Variants in SLC12A7 observed in about 807,000 individuals in gnomAD.
The protein encoded by SLC12A7 is K-Cl cotransporter 4.
SLC12A7 carries 100 observed loss-of-function variants against 120.6 expected under a neutral mutation model. That is an observed-to-expected ratio of 0.83 (90% CI 0.71 to 0.98). The LOEUF (loss-of-function observed/expected upper bound fraction) is 0.98, where lower values mean the gene tolerates loss of function less well. Among genes scored for constraint, SLC12A7 ranks in the 50% least tolerant of loss-of-function variants. The pLI is 0.00. For synonymous variants in SLC12A7, 760 were observed against 678.0 expected, an observed-to-expected ratio of 1.12 and a Z score of -1.88; for missense variants, 1,373 against 1,548.1, an observed-to-expected ratio of 0.89 and a Z score of 1.90.
chr5:1,107,033 C>A (rs181006363), intron 1 of SLC12A7, among the ~76,000 whole-genome samples: 2 of 152,284 alleles, frequency 1.3e-5, no homozygotes, highest in African/African-American at 4.8e-5. Flanking sequence ...AGTCACTAAG[C>A]GTGAGCCGTG....
Position 1,081,608 on chromosome 5 carries a change from C to G in SLC12A7, c.1266G>C (p.Leu422=), listed in dbSNP as rs529485558. 1 of 1,607,266 alleles carries G rather than the reference C, an allele frequency of 6.2e-7. No homozygotes were observed. Among genetic ancestry groups the G allele is most frequent in the African/African-American group, 1.3e-5 (1 of 74,990 alleles). Residue 422 remains leucine (L), a synonymous_variant, in exon 9 of 24, where the codon CTG becomes CTC. Transcript: ENST00000264930. ...VLTDIAASFT[L]LVGIYFPSVT... ...CGGAAGGGAAGTAGATGCCAACCAG[C>G]AGGGTGAAGGAGGCCGCGATGTCGG... is the stretch of plus-strand genomic sequence containing the variant.
chr5:1,091,722 G>A (rs375928894), intron 3 of SLC12A7, among the ~76,000 whole-genome samples: 13 of 151,422 alleles, frequency 8.6e-5, no homozygotes, highest in Admixed American at 3.3e-4. Context: ...CCAATTCCGC[G>A]GCGTCCACGT....
chr5:1,088,005 T>A (rs1460833099), intron 5 of SLC12A7, among the ~76,000 whole-genome samples: 3 of 152,234 alleles, frequency 2.0e-5, no homozygotes, highest in African/African-American at 7.2e-5. Context: ...TGGCACACGC[T>A]GGGCTACAGG....
In SLC12A7 at chr5:1,081,612, G is replaced by C. The variant is rs1416217113; in HGVS notation, c.1262C>G (p.Thr421Ser). ...AGGGAAGTAGATGCCAACCAGCAGG[G>C]TGAAGGAGGCCGCGATGTCGGTGAG... ...YVLTDIAASF[T>S]LLVGIYFPSV... is the part of the protein sequence containing the mutation. Residue 421 changes from threonine to serine, a missense_variant, in exon 9 of 24, where the codon ACC becomes AGC. Thr to Ser is a moderately conservative substitution (Grantham distance 58, BLOSUM62 1). Coordinates refer to ENST00000264930, the MANE Select transcript of SLC12A7 (RefSeq NM_006598.3). 2 of 1,610,528 alleles carry C rather than the reference G, an allele frequency of 1.2e-6. No homozygotes were observed. Among genetic ancestry groups the C allele is most frequent in the South Asian group, 2.2e-5 (2 of 91,024 alleles).
At chr5:1,106,003 C>T (rs564782630) in intron 1 of SLC12A7, among the ~76,000 whole-genome samples, 5 of 152,346 alleles carry the variant, frequency 3.3e-5, no homozygotes, top group South Asian at 2.1e-4. Context: ...ACCCACCACA[C>T]GGCCGTCACA....
At chr5:1,108,969 A>G (rs1742780458) in intron 1 of SLC12A7, among the ~76,000 whole-genome samples, 1 of 152,182 alleles carries the variant, frequency 6.6e-6, no homozygotes. Flanking sequence ...TCAGAAACGG[A>G]ACCCAAAGAG....
intron 21 of SLC12A7, among the ~76,000 whole-genome samples, chr5:1,059,758 CG>C (rs1235121465): frequency 1.9e-5 from 2 of 107,622 alleles, no homozygotes; most frequent in Admixed American, 1.3e-4. Context: ...AGGTCTGTGT[CG>C]GGGGGTGGGG....
At chr5:1,102,044 C>G (rs2150900998) in intron 1 of SLC12A7, among the ~76,000 whole-genome samples, 1 of 152,374 alleles carries the variant, frequency 6.6e-6, no homozygotes, top group East Asian at 1.9e-4. Flanking sequence ...AAAGTGAATG[C>G]AGACCCTGTG....
At chr5:1,092,349 C>G (rs879423435) in intron 3 of SLC12A7, among the ~76,000 whole-genome samples, 2 of 152,194 alleles carry the variant, frequency 1.3e-5, no homozygotes, top group Non-Finnish European at 2.9e-5. Context: ...CAGGGGAGGG[C>G]AAGGAGCCGG....
chr5:1,119,831 C>T, the SLC12A7 span, among the ~76,000 whole-genome samples: 11 of 152,240 alleles, frequency 7.2e-5, no homozygotes, highest in Admixed American at 2.0e-4. Flanking sequence ...GGCTGGGGGG[C>T]GGTGCCCAGC....
At chr5:1,142,800 C>A in the SLC12A7 span, among the ~76,000 whole-genome samples, 2 of 151,442 alleles carry the variant, frequency 1.3e-5, no homozygotes, top group South Asian at 2.1e-4. Context: ...GCTGCCCCCC[C>A]CATACACACC....
chr5:1,079,146 C>A (rs188330668), intron 10 of SLC12A7, among the ~76,000 whole-genome samples: 2 of 152,192 alleles, frequency 1.3e-5, no homozygotes, highest in Non-Finnish European at 2.9e-5. Flanking sequence ...CACACCGCTG[C>A]GCATCACTGT....
chr5:1,068,672 C>G (rs1326436436), intron 17 of SLC12A7, among the ~76,000 whole-genome samples: 1 of 152,060 alleles, frequency 6.6e-6, no homozygotes, highest in Non-Finnish European at 1.5e-5. Flanking sequence ...GTCCTCCCGT[C>G]CGCAAGAGCG....
chr5:1,107,102 G>A (rs981016433), intron 1 of SLC12A7, among the ~76,000 whole-genome samples: 20 of 152,184 alleles, frequency 1.3e-4, no homozygotes, highest in African/African-American at 4.8e-4. Context: ...CTGATCAAAC[G>A]CTGCCTGCCT....
rs116941447 is a variant in SLC12A7, at chr5:1,100,183, G to A, written c.125-5935C>T. ...TGTCTGCAAATAGCTCACGAAGCCC[G>A]TGAATCATCCACGAATGTCCCTCAC... On this transcript the variant is annotated intron_variant, in intron 1 of 23. Transcript: ENST00000264930. 1.5e-3 allele frequency among the ~76,000 whole-genome samples: 233 copies of A among 152,296 alleles called. 2 individuals carry two copies. In the East Asian group the frequency reaches 0.036, roughly 24 times the overall value.
chr5:1,105,326 G>A lies in SLC12A7; in HGVS notation c.124+6542C>T, dbSNP rs1044461334. 8.1e-5 allele frequency among the ~76,000 whole-genome samples: 12 copies of A among 148,876 alleles called. No individual in the cohort carries two copies. The East Asian group carries it at 2.4e-3, about 29-fold the overall frequency. On this transcript the variant is annotated intron_variant, in intron 1 of 23. Transcript: ENST00000264930. ...TCAAAAGGACCCTCCCCGCAGGGAT[G>A]AGGTCCTGCAGTCACCCACCAGCCA... is the stretch of plus-strand genomic sequence containing the variant.
At chr5:1,151,492 G>A in the SLC12A7 span, among the ~76,000 whole-genome samples, 13 of 152,290 alleles carry the variant, frequency 8.5e-5, no homozygotes, top group East Asian at 1.5e-3. This position sits in a 1 kb window ranked among gnomAD's most constrained non-coding sequence, Gnocchi z 6.2. Flanking sequence ...AATTATGAGC[G>A]TCTGTAGGGC....
At chr5:1,126,561 G>A in the SLC12A7 span, among the ~76,000 whole-genome samples, 1 of 152,124 alleles carries the variant, frequency 6.6e-6, no homozygotes, top group South Asian at 2.1e-4. Context: ...CATGGGGTTT[G>A]TTGTACAGAT....
intron 8 of SLC12A7, 90 bp downstream of exon 8, chr5:1,083,653 TGA>T (rs897098810): frequency 6.7e-5 from 91 of 1,352,468 alleles, no homozygotes; most frequent in Middle Eastern, 4.7e-4. Flanking sequence ...ATTGGGGCCC[TGA>T]GAGTGACTCT....
Sources: gnomAD v4.1 joint callset for allele counts (sites outside exome capture counted in the v4.1 genomes callset) on GRCh38, gnomAD v4.1.1 for gene constraint, Gnocchi (gnomAD v3.1) non-coding constraint, MANE v1.5 for transcripts, NCBI Gene and HGNC (gene_info 2026-07-23, HGNC 2026-07-21) for gene names.